ACTR3C: variants seen among roughly 807,000 people sequenced by gnomAD.
ACTR3C encodes the protein actin related protein 3C, also known as actin-related protein 3C.
A neutral mutation model predicts 26.3 loss-of-function variants in ACTR3C; 18 were observed. The observed-to-expected ratio is 0.68, with a 90% confidence interval of 0.47 to 1.01. The LOEUF (loss-of-function observed/expected upper bound fraction) is 1.01, where lower values mean the gene tolerates loss of function less well. ACTR3C is among the 50% of genes least tolerant of loss of function. The pLI is 0.00. For missense variants in ACTR3C, 184 were observed against 250.7 expected (o/e 0.73, Z 1.80); for synonymous variants, 55 against 94.5 (o/e 0.58, Z 2.42).
the ACTR3C span, among the ~76,000 whole-genome samples, chr7:150,064,651 C>G: frequency 2.0e-5 from 1 of 50,348 alleles, no homozygotes; most frequent in Non-Finnish European, 4.0e-5. Flanking sequence ...TTTTCACATA[C>G]ACACACACAC....
rs60482890 is a variant in ACTR3C, at chr7:150,266,421, A to G, written c.565-17367T>C. ...TTTACTTTCTCATTTCATATACACAAATTAACTCAAAATTTATCACTGAGT... is the reference window on the plus strand; with the variant it reads ...TTTACTTTCTCATTTCATATACACAGATTAACTCAAAATTTATCACTGAGT... On this transcript the variant is annotated intron_variant, in intron 6 of 7. Transcript: ENST00000683684. Among the ~76,000 whole-genome samples, 2,006 of 151,196 alleles carry G rather than the reference A, an allele frequency of 0.013. 163 individuals carry two copies. The East Asian group carries it at 0.21, about 16-fold the overall frequency.
chr7:150,256,091 G>A (rs1297004240), intron 6 of ACTR3C, among the ~76,000 whole-genome samples: 2 of 152,216 alleles, frequency 1.3e-5, no homozygotes, highest in Non-Finnish European at 1.5e-5. Flanking sequence ...CCATGTGGCT[G>A]CAAAGGACAT....
At chr7:150,297,705 A>C (rs1383092989) in intron 1 of ACTR3C, among the ~76,000 whole-genome samples, 1 of 152,220 alleles carries the variant, frequency 6.6e-6, no homozygotes, top group Non-Finnish European at 1.5e-5. Context: ...TACAAAAATT[A>C]GCCAGGCATG....
At chr7:149,888,181 T>C in the ACTR3C span, among the ~76,000 whole-genome samples, 1 of 151,768 alleles carries the variant, frequency 6.6e-6, no homozygotes, top group African/African-American at 2.4e-5. Context: ...TACATACAGA[T>C]CTAGTTCATT....
At chr7:150,315,842 T>C (rs1427923496) in intron 1 of ACTR3C, among the ~76,000 whole-genome samples, 2 of 148,888 alleles carry the variant, frequency 1.3e-5, no homozygotes, top group African/African-American at 2.5e-5. Flanking sequence ...TTTTTTTTTT[T>C]CACTTAACGA....
At chr7:150,297,663 C>T (rs1489924156) in intron 1 of ACTR3C, among the ~76,000 whole-genome samples, 2 of 152,204 alleles carry the variant, frequency 1.3e-5, no homozygotes, top group African/African-American at 4.8e-5. Context: ...ACCAGCCTGG[C>T]CAACATGGGG....
At chr7:149,999,621 T>TA in the ACTR3C span, among the ~76,000 whole-genome samples, 7 of 151,544 alleles carry the variant, frequency 4.6e-5, no homozygotes, top group African/African-American at 1.7e-4. Context: ...TGGTTCCAGG[T>TA]ACACCCAGGC....
In ACTR3C at chr7:150,320,951, C is replaced by T. The variant is rs185063129; in HGVS notation, c.-52+2518G>A. On this transcript the variant is annotated intron_variant, in intron 1 of 7. Transcript: ENST00000683684. ...ACAATACAACTCAAATCATTGGTAG[C>T]TCATGAAAAGAACTCACTCTTTGAC... is the stretch of plus-strand genomic sequence containing the variant. 6.9e-4 allele frequency among the ~76,000 whole-genome samples: 105 copies of T among 152,294 alleles called. 1 individual carries two copies. The highest frequency in any genetic ancestry group is 1.5e-3 in the South Asian group (7 of 4,820).
At chr7:150,042,015 G>C in the ACTR3C span, among the ~76,000 whole-genome samples, 1 of 134,508 alleles carries the variant, frequency 7.4e-6, no homozygotes, top group African/African-American at 2.7e-5. Flanking sequence ...TCCTCCAGGT[G>C]GGTCCTAAGG....
the ACTR3C span, among the ~76,000 whole-genome samples, chr7:149,929,742 G>A: frequency 6.6e-6 from 1 of 152,056 alleles, no homozygotes; most frequent in African/African-American, 2.4e-5. Flanking sequence ...TGTTGGCCAG[G>A]TTGGTCTCGA....
chr7:150,078,445 ATT>A, the ACTR3C span, among the ~76,000 whole-genome samples: 1 of 149,450 alleles, frequency 6.7e-6, no homozygotes, highest in Non-Finnish European at 1.5e-5. Flanking sequence ...TCACAAAATA[ATT>A]ATAAATGAAA....
chr7:150,058,173 C>T, the ACTR3C span, among the ~76,000 whole-genome samples: 2,723 of 152,310 alleles, frequency 0.018, 79 homozygotes, highest in African/African-American at 0.061. Flanking sequence ...AATAATCCTA[C>T]GTTTGTACTG....
chr7:150,175,678 G>C, the ACTR3C span, among the ~76,000 whole-genome samples: 1 of 148,518 alleles, frequency 6.7e-6, no homozygotes, highest in African/African-American at 2.6e-5. Flanking sequence ...TGGATGTGGT[G>C]GTGGGCACCT....
At chr7:149,925,285 C>T in the ACTR3C span, among the ~76,000 whole-genome samples, 1 of 152,162 alleles carries the variant, frequency 6.6e-6, no homozygotes, top group Non-Finnish European at 1.5e-5. Context: ...TGATGATGTT[C>T]ATTAAATTAA....
At chr7:150,308,272 G>A (rs540053183) in intron 1 of ACTR3C, among the ~76,000 whole-genome samples, 3 of 150,978 alleles carry the variant, frequency 2.0e-5, no homozygotes, top group African/African-American at 4.9e-5. Context: ...TCCTTCTTCC[G>A]CCTTAGCCTG....
chr7:150,141,812 G>T, the ACTR3C span, among the ~76,000 whole-genome samples: 2 of 151,978 alleles, frequency 1.3e-5, no homozygotes, highest in African/African-American at 4.8e-5. Context: ...TGTTCCAAGC[G>T]CTTGCCAAGC....
At chr7:150,092,626 G>C in the ACTR3C span, among the ~76,000 whole-genome samples, 2 of 150,316 alleles carry the variant, frequency 1.3e-5, no homozygotes, top group African/African-American at 5.0e-5. Flanking sequence ...CATTAATAGT[G>C]GTGGAAACTA....
At chr7:149,945,318 A>ACGGGCTGCAGGGTCTTGGGG in the ACTR3C span, among the ~76,000 whole-genome samples, 1 of 118,870 alleles carries the variant, frequency 8.4e-6, no homozygotes. Context: ...TCCATCAGTG[A>ACGGGCTGCAGGGTCTTGGGG]CAACCTCCCA....
chr7:150,301,009 T>C (rs867808349), intron 1 of ACTR3C, among the ~76,000 whole-genome samples: 1 of 152,130 alleles, frequency 6.6e-6, no homozygotes, highest in Non-Finnish European at 1.5e-5. Context: ...GCGGGCCTAA[T>C]AACATCACCT....
Sources: allele counts gnomAD v4.1 joint callset (sites outside exome capture counted in the v4.1 genomes callset), GRCh38; gene constraint gnomAD v4.1.1; transcripts MANE v1.5; gene names NCBI Gene and HGNC (gene_info 2026-07-23, HGNC 2026-07-21).